KCNH5: variants seen among roughly 807,000 people sequenced by gnomAD.
KCNH5 encodes the protein potassium voltage-gated channel subfamily H member 5, also known as voltage-gated delayed rectifier potassium channel KCNH5.
A neutral mutation model predicts 96.1 loss-of-function variants in KCNH5; 46 were observed. That is an observed-to-expected ratio of 0.48 (90% CI 0.38 to 0.61). KCNH5 has a LOEUF of 0.61. Among genes scored for constraint, KCNH5 ranks in the 20% least tolerant of loss-of-function variants. KCNH5 has a pLI of 0.00. For missense variants in KCNH5, 907 were observed against 1,225.8 expected (o/e 0.74, Z 3.88); for synonymous variants, 439 against 449.8 (o/e 0.98, Z 0.30).
intron 6 of KCNH5, among the ~76,000 whole-genome samples, chr14:62,971,840 C>T (rs945838485): frequency 2.0e-5 from 3 of 151,742 alleles, no homozygotes; most frequent in Admixed American, 1.3e-4. Flanking sequence ...GACCCTACAC[C>T]CTTCACAAAA....
chr14:62,848,108 T>C (rs1887734408), intron 8 of KCNH5, among the ~76,000 whole-genome samples: 1 of 152,236 alleles, frequency 6.6e-6, no homozygotes, highest in African/African-American at 2.4e-5. Context: ...TATTCCATCA[T>C]TTACTGATTT....
In KCNH5 at chr14:62,707,859, G is replaced by A. The variant is rs114036533; in HGVS notation, c.2616C>T (p.Asp872=). The change falls in exon 11 of 11, where the codon GAC becomes GAT. Residue 872 remains aspartate (D), a synonymous_variant. Transcript: ENST00000322893. ...CCTCCCCAGCCTTATCCAAACGAAG[G>A]TCACTTTTTGTAATTCCACTGTCAC... is the stretch of plus-strand genomic sequence containing the variant. ...DSCDSGITKS[D]LRLDKAGEAR... The A allele has an allele frequency of 2.5e-5, 40 of 1,614,142 alleles. No homozygotes were observed. In the East Asian group the frequency reaches 8.5e-4, roughly 34 times the overall value.
intron 8 of KCNH5, among the ~76,000 whole-genome samples, chr14:62,817,389 T>C (rs1490584604): frequency 6.7e-6 from 1 of 148,346 alleles, no homozygotes; most frequent in East Asian, 2.0e-4. Flanking sequence ...AAGAATACAA[T>C]GAACACAGTG....
At chr14:62,908,677 G>T (rs1889077599) in intron 7 of KCNH5, among the ~76,000 whole-genome samples, 3 of 151,978 alleles carry the variant, frequency 2.0e-5, no homozygotes, top group African/African-American at 7.2e-5. Context: ...GAGGAATCAG[G>T]CTTGTCCTGT....
At chr14:63,042,061 T>C (rs1241187062) in intron 1 of KCNH5, among the ~76,000 whole-genome samples, 3 of 152,142 alleles carry the variant, frequency 2.0e-5, no homozygotes, top group Non-Finnish European at 4.4e-5. Flanking sequence ...GTGATACCCA[T>C]GGACAAATAA....
intron 8 of KCNH5, among the ~76,000 whole-genome samples, chr14:62,824,793 C>A (rs1293085329): frequency 1.3e-5 from 2 of 152,052 alleles, no homozygotes; most frequent in East Asian, 3.9e-4. Context: ...CTCTAGTAGT[C>A]CCCAGTCTAT....
intron 7 of KCNH5, among the ~76,000 whole-genome samples, chr14:62,851,211 G>C (rs1446952014): frequency 6.6e-6 from 1 of 152,080 alleles, no homozygotes; most frequent in Non-Finnish European, 1.5e-5. Context: ...TTTTAAGACA[G>C]ATTTTGTTAG....
chr14:62,779,467 G>A (rs1886163271), intron 10 of KCNH5, among the ~76,000 whole-genome samples: 1 of 152,124 alleles, frequency 6.6e-6, no homozygotes, highest in African/African-American at 2.4e-5. Context: ...TCATAATAGA[G>A]TTCACAGCTT....
intron 1 of KCNH5, among the ~76,000 whole-genome samples, chr14:63,032,884 G>T (rs920528926): frequency 1.3e-5 from 2 of 152,090 alleles, no homozygotes; most frequent in Non-Finnish European, 2.9e-5. Flanking sequence ...CATTCCAAGC[G>T]TGGCCTTCTT....
Position 62,925,880 on chromosome 14 carries a change from A to G in KCNH5, c.1369+24253T>C, listed in dbSNP as rs144622497. 4.4e-3 allele frequency among the ~76,000 whole-genome samples: 674 copies of G among 152,250 alleles called. 7 individuals carry two copies. Among genetic ancestry groups the G allele is most frequent in the Middle Eastern group, 6.8e-3 (2 of 294 alleles). ...AGAAGAAAGAAATTCCCACATTAAG[A>G]AAAACACGACTTGGAAAAATCAGAT... On this transcript the variant is annotated intron_variant, in intron 7 of 10. Coordinates refer to ENST00000322893, the MANE Select transcript of KCNH5 (RefSeq NM_139318.5).
At chr14:62,755,732 A>T (rs1028731260) in intron 10 of KCNH5, among the ~76,000 whole-genome samples, 1 of 152,220 alleles carries the variant, frequency 6.6e-6, no homozygotes, top group Non-Finnish European at 1.5e-5. Context: ...AGAATAATTC[A>T]ACAACACATT....
chr14:62,886,953 T>G (rs541411720), intron 7 of KCNH5, among the ~76,000 whole-genome samples: 1 of 151,842 alleles, frequency 6.6e-6, no homozygotes, highest in Non-Finnish European at 1.5e-5. Flanking sequence ...TTCCCAGGAG[T>G]GTTAAAATAT....
chr14:62,908,584 G>C (rs776519068), intron 7 of KCNH5, among the ~76,000 whole-genome samples: 1 of 152,046 alleles, frequency 6.6e-6, no homozygotes, highest in Non-Finnish European at 1.5e-5. Context: ...AAACAAAGAA[G>C]GGACATAAAG....
chr14:62,965,893 G>C (rs931094515), intron 6 of KCNH5, among the ~76,000 whole-genome samples: 1 of 152,090 alleles, frequency 6.6e-6, no homozygotes, highest in Admixed American at 6.6e-5. Flanking sequence ...TTGAAGACAA[G>C]AAGAAGTGAT....
chr14:62,780,798 C>G (rs1176484417), intron 9 of KCNH5, among the ~76,000 whole-genome samples: 3 of 152,078 alleles, frequency 2.0e-5, no homozygotes, highest in African/African-American at 7.2e-5. Context: ...CCATAAAAGC[C>G]CCTGGTTTCT....
intron 6 of KCNH5, among the ~76,000 whole-genome samples, chr14:62,980,525 T>C (rs1890585946): frequency 6.6e-6 from 1 of 152,176 alleles, no homozygotes; most frequent in Non-Finnish European, 1.5e-5. Flanking sequence ...TTAAAAGTAA[T>C]TGTGAAAACC....
At chr14:62,994,144 C>T (rs113832630) in intron 4 of KCNH5, among the ~76,000 whole-genome samples, 145 of 149,420 alleles carry the variant, frequency 9.7e-4, no homozygotes, top group Middle Eastern at 3.4e-3. Flanking sequence ...AACAATTATG[C>T]TCTTGGCCAA....
intron 2 of KCNH5, among the ~76,000 whole-genome samples, chr14:63,013,521 C>A (rs1280142883): frequency 6.6e-6 from 1 of 152,100 alleles, no homozygotes; most frequent in Non-Finnish European, 1.5e-5. Context: ...AGTAATTCCA[C>A]ACACTATAAT....
intron 6 of KCNH5, among the ~76,000 whole-genome samples, chr14:62,965,126 G>GT (rs1566724406): frequency 6.6e-6 from 1 of 151,956 alleles, no homozygotes; most frequent in Non-Finnish European, 1.5e-5. Context: ...TAAGGGATTT[G>GT]TTTTTTTCAT....
Sources: allele counts gnomAD v4.1 joint callset (sites outside exome capture counted in the v4.1 genomes callset), GRCh38; gene constraint gnomAD v4.1.1; transcripts MANE v1.5; gene names NCBI Gene and HGNC (gene_info 2026-07-23, HGNC 2026-07-21).